The following ARID4B variants were observed in gnomAD, a reference collection of about 807,000 sequenced individuals.
The protein encoded by ARID4B is AT-rich interaction domain 4B.
In ARID4B, 26 loss-of-function variants were observed where a neutral mutation model predicts 147.5. The ratio of observed to expected loss-of-function variants is 0.18; its 90% CI spans 0.13 to 0.24. ARID4B has a LOEUF of 0.24. ARID4B is among the 10% of genes least tolerant of loss of function. The probability of loss-of-function intolerance (pLI) is 1.00; values close to 1 mark genes in which losing one functional copy is unlikely to be tolerated. For missense variants in ARID4B, 1,179 were observed against 1,511.5 expected (o/e 0.78, Z 3.65); for synonymous variants, 512 against 507.9 (o/e 1.01, Z -0.11).
At chr1:235,170,783 C>T (rs1208340751) in intron 23 of ARID4B, among the ~76,000 whole-genome samples, 2 of 151,108 alleles carry the variant, frequency 1.3e-5, no homozygotes, top group Non-Finnish European at 2.9e-5. Flanking sequence ...CATGGCGGCA[C>T]GCACCTGTAG....
chr1:235,230,714 G>A (rs1668162140), intron 10 of ARID4B, among the ~76,000 whole-genome samples: 1 of 151,756 alleles, frequency 6.6e-6, no homozygotes, highest in Non-Finnish European at 1.5e-5. Flanking sequence ...CTGAGCTCAG[G>A]AGTTCGAGAC....
intron 9 of ARID4B, among the ~76,000 whole-genome samples, chr1:235,234,050 G>C (rs2103055820): frequency 6.6e-6 from 1 of 152,342 alleles, no homozygotes; most frequent in African/African-American, 2.4e-5. Flanking sequence ...CTGCACTCCA[G>C]CCTGGGTGAC....
At chr1:235,278,052 A>T (rs1671449892) in intron 2 of ARID4B, among the ~76,000 whole-genome samples, 1 of 152,212 alleles carries the variant, frequency 6.6e-6, no homozygotes, top group Non-Finnish European at 1.5e-5. Flanking sequence ...AAGTATCATT[A>T]GCAAAGGCAA....
chr1:235,173,767 AAAAAAT>A (rs1457152431), intron 22 of ARID4B, among the ~76,000 whole-genome samples: 2 of 46,242 alleles, frequency 4.3e-5, no homozygotes, highest in African/African-American at 1.3e-4. Flanking sequence ...AAAAAAAAAA[AAAAAAT>A]ATATATATAT....
At position 235,175,303 on chromosome 1, in the gene ARID4B, G is replaced by A. The variant is rs148402228; in HGVS notation, c.3545C>T (p.Thr1182Ile). 2,427 of 1,613,984 alleles carry A rather than the reference G, an allele frequency of 1.5e-3. 7 individuals carry two copies. The highest frequency in any genetic ancestry group is 1.7e-3 in the Non-Finnish European group (2,063 of 1,179,950). The stretch of plus-strand genomic sequence containing the variant: ...AGACTGCGTCCTTGCGGGAGATTTG[G>A]TACTATGAGACTTCATTCCAGTGGA... ...SVSTGMKSHSTKSPARTQSPG... is the reference protein window; with the variant it reads ...SVSTGMKSHSIKSPARTQSPG... Residue 1182 changes from threonine to isoleucine, a missense_variant, in exon 22 of 24, where the codon ACC (threonine) becomes ATC (isoleucine). Thr to Ile is a moderately conservative substitution (Grantham distance 89, BLOSUM62 -1). This residue lies in a region of ARID4B where 357 missense variants were observed against 427.3 expected (regional missense o/e 0.84). Coordinates refer to ENST00000264183, the MANE Select transcript of ARID4B (RefSeq NM_016374.6).
chr1:235,203,915 G>A (rs1666121167), intron 17 of ARID4B, among the ~76,000 whole-genome samples: 1 of 152,052 alleles, frequency 6.6e-6, no homozygotes, highest in African/African-American at 2.4e-5. Flanking sequence ...CAATTTATAT[G>A]TATTTTAATC....
chr1:235,259,080 G>T (rs762680322), intron 3 of ARID4B, among the ~76,000 whole-genome samples: 1 of 152,094 alleles, frequency 6.6e-6, no homozygotes, highest in Non-Finnish European at 1.5e-5. Flanking sequence ...CACCTCCACA[G>T]AAACAAATTT....
intron 17 of ARID4B, among the ~76,000 whole-genome samples, chr1:235,204,386 A>G (rs1005658930): frequency 2.0e-5 from 3 of 152,212 alleles, no homozygotes; most frequent in African/African-American, 4.8e-5. Flanking sequence ...TCTACTTCAT[A>G]TAACACTTAA....
intron 2 of ARID4B, among the ~76,000 whole-genome samples, chr1:235,305,631 T>C (rs1673486425): frequency 6.6e-6 from 1 of 152,120 alleles, no homozygotes; most frequent in Non-Finnish European, 1.5e-5. Flanking sequence ...AATAAGAATA[T>C]ATCTATGTAC....
At chr1:235,223,335 A>G (rs910820959) in intron 12 of ARID4B, 75 bp from the exon 13 acceptor site, 15 of 602,528 alleles carry the variant, frequency 2.5e-5, no homozygotes, top group Non-Finnish European at 3.9e-5. Context: ...TTCAAATAAT[A>G]CAAGTATTTA....
At chr1:235,237,325 T>TAC (rs1464994880) in intron 8 of ARID4B, among the ~76,000 whole-genome samples, 2 of 152,154 alleles carry the variant, frequency 1.3e-5, no homozygotes, top group African/African-American at 4.8e-5. Flanking sequence ...TCCTTATCTC[T>TAC]ACATCGGGAT....
At chr1:235,286,055 G>GTTTTGTTTTT (rs1553311426) in intron 2 of ARID4B, among the ~76,000 whole-genome samples, 1 of 125,790 alleles carries the variant, frequency 7.9e-6, no homozygotes, top group Non-Finnish European at 1.7e-5. Context: ...GTTTTGTTTT[G>GTTTTGTTTTT]TTTTGTTTTG....
At chr1:235,291,876 T>G (rs1262908759) in intron 2 of ARID4B, among the ~76,000 whole-genome samples, 1 of 151,876 alleles carries the variant, frequency 6.6e-6, no homozygotes, top group South Asian at 2.1e-4. Context: ...AAGTAAAGGG[T>G]AGGAGAGATA....
At chr1:235,232,988 C>T (rs1485504048) in intron 9 of ARID4B, among the ~76,000 whole-genome samples, 2 of 152,130 alleles carry the variant, frequency 1.3e-5, no homozygotes, top group Admixed American at 6.5e-5. Flanking sequence ...CAGGCGCCCA[C>T]CACCATGCCT....
intron 2 of ARID4B, chr1:235,296,296 CCTGA>C (rs940096068): frequency 6.5e-6 from 1 of 152,876 alleles, no homozygotes; most frequent in African/African-American, 2.4e-5. Context: ...TCTACCGGTT[CCTGA>C]CTATGATGAC....
At chr1:235,217,427 T>TACATGCACTCATATACAA (rs1667166196) in intron 16 of ARID4B, among the ~76,000 whole-genome samples, 4 of 150,032 alleles carry the variant, frequency 2.7e-5, no homozygotes, top group African/African-American at 9.9e-5. Context: ...CTCATATACA[T>TACATGCACTCATATACAA]ACATACACTC....
chr1:235,233,733 T>C (rs994330262), intron 9 of ARID4B, among the ~76,000 whole-genome samples: 2 of 152,208 alleles, frequency 1.3e-5, no homozygotes, highest in Non-Finnish European at 2.9e-5. Flanking sequence ...AGTAGAAGTA[T>C]TGGAAATTCC....
intron 20 of ARID4B, 128 bp downstream of exon 20, chr1:235,181,457 A>C: frequency 7.8e-7 from 1 of 1,285,784 alleles, no homozygotes; most frequent in Non-Finnish European, 1.1e-6. Flanking sequence ...TAAAATTTCC[A>C]TTTTTACCAT....
chr1:235,222,659 A>G (rs1175198094), intron 13 of ARID4B, among the ~76,000 whole-genome samples: 2 of 150,414 alleles, frequency 1.3e-5, no homozygotes, highest in African/African-American at 2.5e-5. Flanking sequence ...GTAATCAGAA[A>G]GCTGATATGA....
Sources: allele counts gnomAD v4.1 joint callset (sites outside exome capture counted in the v4.1 genomes callset), GRCh38; gene constraint gnomAD v4.1.1; regional missense constraint gnomAD v4.1.1; transcripts MANE v1.5; gene names NCBI Gene and HGNC (gene_info 2026-07-23, HGNC 2026-07-21).